IQGAP2: variants seen among roughly 807,000 people sequenced by gnomAD.
IQGAP2 encodes ras GTPase-activating-like protein IQGAP2.
Under a neutral mutation model 201.3 loss-of-function variants are expected in IQGAP2, and 173 were observed. The ratio of observed to expected loss-of-function variants is 0.86; its 90% CI spans 0.76 to 0.98. IQGAP2 has a LOEUF of 0.98. Ranked by LOEUF, IQGAP2 falls within the 50% of genes least tolerant of loss-of-function variation. The pLI is 0.00. For synonymous variants in IQGAP2, 675 were observed against 673.9 expected, an observed-to-expected ratio of 1.00 and a Z score of -0.03; for missense variants, 1,687 against 1,864.8, an observed-to-expected ratio of 0.90 and a Z score of 1.76.
intron 1 of IQGAP2, among the ~76,000 whole-genome samples, chr5:76,455,922 G>A (rs1754056277): frequency 6.6e-6 from 1 of 152,198 alleles, no homozygotes. Context: ...GTTGTGTGTT[G>A]ATTTATAACT....
intron 1 of IQGAP2, among the ~76,000 whole-genome samples, chr5:76,416,254 G>A (rs1751398769): frequency 6.6e-6 from 1 of 152,216 alleles, no homozygotes; most frequent in Non-Finnish European, 1.5e-5. Flanking sequence ...GTGTCTCTCA[G>A]CTGGAGAATG....
At chr5:76,483,410 C>T (rs1363760597) in intron 2 of IQGAP2, among the ~76,000 whole-genome samples, 1 of 152,196 alleles carries the variant, frequency 6.6e-6, no homozygotes, top group Non-Finnish European at 1.5e-5. Context: ...CAAGGAAATA[C>T]TTGGAGCAAT....
intron 11 of IQGAP2, among the ~76,000 whole-genome samples, chr5:76,605,036 T>G (rs1747706022): frequency 6.6e-6 from 1 of 152,198 alleles, no homozygotes; most frequent in Non-Finnish European, 1.5e-5. Context: ...TGACTCATTA[T>G]GTACACAGAA....
intron 2 of IQGAP2, among the ~76,000 whole-genome samples, chr5:76,515,427 G>T (rs1758255268): frequency 6.6e-6 from 1 of 152,160 alleles, no homozygotes; most frequent in African/African-American, 2.4e-5. Flanking sequence ...GTGAAAATGA[G>T]TTGCATATAT....
chr5:76,682,506 G>T (rs1251172325), intron 28 of IQGAP2, among the ~76,000 whole-genome samples: 1 of 150,552 alleles, frequency 6.6e-6, no homozygotes, highest in East Asian at 1.9e-4. Flanking sequence ...GGTTTCCCCC[G>T]AGTGCTGCTA....
Position 76,671,995 on chromosome 5 carries a change from A to AAGCTCTAAAGG in IQGAP2, c.3068+12_3068+13insAGCTCTAAAGG. The AAGCTCTAAAGG allele has an allele frequency of 6.3e-7, 1 of 1,577,824 alleles. No homozygotes were observed. The highest frequency in any genetic ancestry group is 8.7e-7 in the Non-Finnish European group (1 of 1,148,460). On this transcript the variant is annotated intron_variant, in intron 24 of 35. Transcript: ENST00000274364. ...ACTGGAGAGGCCAGGTAATAGAATC[A>AAGCTCTAAAGG]GGAAGGTGTTGGTCTTCTGTTATGT... is the stretch of plus-strand genomic sequence containing the variant.
intron 3 of IQGAP2, among the ~76,000 whole-genome samples, chr5:76,566,331 G>C (rs368151181): frequency 6.6e-6 from 1 of 152,170 alleles, no homozygotes; most frequent in African/African-American, 2.4e-5. Context: ...TTTACTCTGA[G>C]GATGGAAGAG....
At chr5:76,630,690 C>T (rs562948877) in intron 14 of IQGAP2, among the ~76,000 whole-genome samples, 28 of 136,662 alleles carry the variant, frequency 2.0e-4, no homozygotes, top group Non-Finnish European at 3.6e-4. Context: ...TTTCTTGGAC[C>T]ACAAACTTCT....
intron 15 of IQGAP2, among the ~76,000 whole-genome samples, chr5:76,632,830 T>TAA: frequency 6.6e-6 from 1 of 152,284 alleles, no homozygotes; most frequent in Non-Finnish European, 1.5e-5. Context: ...AAAAAACTTT[T>TAA]TTAGTCCAAC....
chr5:76,688,720 C>G (rs2150527389), intron 30 of IQGAP2, among the ~76,000 whole-genome samples: 1 of 151,864 alleles, frequency 6.6e-6, no homozygotes, highest in African/African-American at 2.4e-5. Context: ...AAAAAGGGAC[C>G]CACAATCTGT....
At chr5:76,618,029 C>A (rs762461171) in intron 13 of IQGAP2, 7 of 1,613,964 alleles carry the variant, frequency 4.3e-6, no homozygotes, top group Non-Finnish European at 5.9e-6. Context: ...TGAAAAATGG[C>A]AGCATATATA....
chr5:76,491,844 C>T (rs1756567718), intron 2 of IQGAP2, among the ~76,000 whole-genome samples: 1 of 152,158 alleles, frequency 6.6e-6, no homozygotes, highest in South Asian at 2.1e-4. Flanking sequence ...CTGCATAACT[C>T]ACAAGACTCT....
In IQGAP2 at chr5:76,590,424, A is replaced by G; in HGVS notation, c.657A>G (p.Ile219Met). Residue 219 changes from isoleucine (I) to methionine (M), a missense_variant, in exon 8 of 36, where the codon ATA becomes ATG. By Grantham distance (10) the Ile-to-Met change is conservative (BLOSUM62 1). Coordinates refer to ENST00000274364, the MANE Select transcript of IQGAP2 (RefSeq NM_006633.5). ...ACTTTTTAGTACATGCTGCAGTTAT[A>G]GCCATTAATGAAGCAGTTGAAAAAG... is the stretch of plus-strand genomic sequence containing the variant. ...VDEAALHAAV[I>M]AINEAVEKGI... is the part of the protein sequence containing the mutation. 1 of 1,606,990 alleles carries G rather than the reference A, an allele frequency of 6.2e-7. No individual in the cohort carries two copies. The highest frequency in any genetic ancestry group is 8.5e-7 in the Non-Finnish European group (1 of 1,177,336).
intron 3 of IQGAP2, among the ~76,000 whole-genome samples, chr5:76,565,556 G>A (rs191776488): frequency 1.3e-5 from 2 of 152,312 alleles, no homozygotes; most frequent in Admixed American, 1.3e-4. Flanking sequence ...CCCACGCCAT[G>A]TGCACTGCAG....
At chr5:76,677,660 G>T in intron 28 of IQGAP2, 1 of 199,458 alleles carries the variant, frequency 5.0e-6, no homozygotes, top group South Asian at 1.1e-4. Context: ...TGGAATGGTG[G>T]CATATGCCTG....
intron 17 of IQGAP2, among the ~76,000 whole-genome samples, chr5:76,646,703 T>C (rs544580677): frequency 2.0e-5 from 3 of 152,208 alleles, no homozygotes; most frequent in Admixed American, 6.5e-5. Context: ...AATGATTGCA[T>C]TGAAGTTTAA....
intron 11 of IQGAP2, among the ~76,000 whole-genome samples, chr5:76,602,065 G>T (rs1580567370): frequency 6.6e-6 from 1 of 152,220 alleles, no homozygotes; most frequent in East Asian, 1.9e-4. Flanking sequence ...CCTCAGCCGG[G>T]CACCCTCGTG....
At chr5:76,691,427 A>G (rs1368694720) in intron 30 of IQGAP2, 1 of 152,256 alleles carries the variant, frequency 6.6e-6, no homozygotes, top group African/African-American at 2.4e-5. Context: ...CAAGAAAGTT[A>G]CTATATTGAC....
At chr5:76,418,735 C>G (rs1751554883) in intron 1 of IQGAP2, among the ~76,000 whole-genome samples, 1 of 152,122 alleles carries the variant, frequency 6.6e-6, no homozygotes, top group South Asian at 2.1e-4. Context: ...GAGGATAAAG[C>G]TTGGGAAGGC....
Sources: allele counts gnomAD v4.1 joint callset (sites outside exome capture counted in the v4.1 genomes callset), GRCh38; gene constraint gnomAD v4.1.1; transcripts MANE v1.5; gene names NCBI Gene and HGNC (gene_info 2026-07-23, HGNC 2026-07-21).